Variants in CTNNA2 observed in about 807,000 individuals in gnomAD.
CTNNA2 encodes catenin alpha-2.
CTNNA2 carries 42 observed loss-of-function variants against 101.0 expected under a neutral mutation model. That is an observed-to-expected ratio of 0.42 (90% CI 0.32 to 0.54). The LOEUF is 0.54. Among genes scored for constraint, CTNNA2 ranks in the 20% least tolerant of loss-of-function variants. CTNNA2 has a pLI of 0.14. For missense variants in CTNNA2, 871 were observed against 1,223.1 expected (o/e 0.71, Z 4.29); for synonymous variants, 450 against 456.4 (o/e 0.99, Z 0.18).
At chr2:79,513,472 C>T (rs1671640423) in intron 1 of CTNNA2, among the ~76,000 whole-genome samples, 1 of 152,180 alleles carries the variant, frequency 6.6e-6, no homozygotes, top group Admixed American at 6.5e-5. Context: ...AGCTCTGCAT[C>T]CCTTTCCTCT....
chr2:80,161,680 A>C (rs1380175863), intron 7 of CTNNA2, among the ~76,000 whole-genome samples: 1 of 152,170 alleles, frequency 6.6e-6, no homozygotes. Flanking sequence ...TTTCCAAAAA[A>C]GTATGCTTTC....
intron 16 of CTNNA2, among the ~76,000 whole-genome samples, chr2:80,604,844 G>A (rs1697865178): frequency 6.6e-6 from 1 of 151,902 alleles, no homozygotes. Context: ...TGGAAACTGG[G>A]GGTAGGACAG....
At chr2:80,435,193 T>A (rs1404498907) in intron 9 of CTNNA2, among the ~76,000 whole-genome samples, 1 of 152,184 alleles carries the variant, frequency 6.6e-6, no homozygotes, top group Admixed American at 6.5e-5. Context: ...CACTTCTCTA[T>A]AATCTTTAAA....
At chr2:79,206,794 T>G (rs1674105719) in intron 2 of CTNNA2, among the ~76,000 whole-genome samples, 1 of 152,128 alleles carries the variant, frequency 6.6e-6, no homozygotes. Context: ...TAAAACCAAC[T>G]GGAGAATGAT....
intron 2 of CTNNA2, among the ~76,000 whole-genome samples, chr2:79,701,672 A>C (rs1685010551): frequency 1.3e-5 from 2 of 152,166 alleles, no homozygotes; most frequent in South Asian, 4.1e-4. Context: ...CAGGGAAGTT[A>C]ATGACTCCTG....
intron 2 of CTNNA2, among the ~76,000 whole-genome samples, chr2:79,259,196 C>G (rs1329814484): frequency 1.3e-5 from 2 of 152,020 alleles, no homozygotes; most frequent in African/African-American, 4.8e-5. Context: ...TGAATTGATC[C>G]CCATCTGGCT....
In CTNNA2 at chr2:79,909,768, C is replaced by T. The variant is rs1203739181; in HGVS notation, c.1027C>T (p.Gln343Ter). The change falls in exon 7 of 19, where the codon CAG (glutamine) becomes TAG (stop). Residue 343 changes from glutamine to a stop codon, truncating the protein, a stop_gained. Coordinates refer to ENST00000402739, the MANE Select transcript of CTNNA2 (RefSeq NM_001282597.3). LOFTEE classifies it high-confidence loss of function. ...AECNAVRQALQDLLSEYMNNT... is the reference protein window; with the variant it reads ...AECNAVRQAL ...GTGCAACGCCGTGCGGCAGGCGCTCCAGGACCTGCTCAGCGAGTACATGAA... is the reference window on the plus strand; with the variant it reads ...GTGCAACGCCGTGCGGCAGGCGCTCTAGGACCTGCTCAGCGAGTACATGAA... The T allele has an allele frequency of 1.2e-6, 2 of 1,611,840 alleles. No individual in the cohort carries two copies. The highest frequency in any genetic ancestry group is 2.7e-5 in the African/African-American group (2 of 74,836).
At chr2:80,591,455 C>CTTTTTTTTTTTTTTTTTTTTT (rs1553401282) in intron 15 of CTNNA2, among the ~76,000 whole-genome samples, 2 of 57,578 alleles carry the variant, frequency 3.5e-5, no homozygotes, top group African/African-American at 6.0e-5. Flanking sequence ...TCTGCACAGC[C>CTTTTTTTTTTTTTTTTTTTTT]TGTTTTTTTT....
intron 6 of CTNNA2, among the ~76,000 whole-genome samples, chr2:79,879,499 C>G (rs1574210026): frequency 6.6e-6 from 1 of 152,032 alleles, no homozygotes; most frequent in Non-Finnish European, 1.5e-5. Context: ...ATTCCTTGAG[C>G]AGTGGTTTGT....
chr2:80,023,187 G>A (rs1369399606), intron 7 of CTNNA2, among the ~76,000 whole-genome samples: 3 of 152,100 alleles, frequency 2.0e-5, no homozygotes, highest in Non-Finnish European at 4.4e-5. Context: ...ATCTAGTTTA[G>A]CATTTTTATC....
chr2:79,360,651 A>T (rs1007130446), intron 3 of CTNNA2, among the ~76,000 whole-genome samples: 4 of 152,226 alleles, frequency 2.6e-5, no homozygotes, highest in African/African-American at 9.6e-5. Flanking sequence ...AGAGCTGATT[A>T]AGGGTATGGA....
chr2:80,183,464 T>C (rs1705918562), intron 7 of CTNNA2, among the ~76,000 whole-genome samples: 1 of 152,206 alleles, frequency 6.6e-6, no homozygotes, highest in Non-Finnish European at 1.5e-5. Flanking sequence ...GTAAAAAGAA[T>C]ATTTTCCTAA....
At chr2:79,812,630 T>G (rs1290801003) in intron 3 of CTNNA2, among the ~76,000 whole-genome samples, 1 of 152,212 alleles carries the variant, frequency 6.6e-6, no homozygotes. Flanking sequence ...ATTCTTCACA[T>G]GCATCTTCGG....
chr2:79,840,320 A>G (rs77990045), intron 3 of CTNNA2, among the ~76,000 whole-genome samples: 1 of 152,240 alleles, frequency 6.6e-6, no homozygotes, highest in Admixed American at 6.5e-5. Flanking sequence ...GTGAAGGTCA[A>G]GACATTCTCC....
At chr2:79,957,734 C>G (rs975076979) in intron 7 of CTNNA2, among the ~76,000 whole-genome samples, 1 of 152,202 alleles carries the variant, frequency 6.6e-6, no homozygotes, top group Admixed American at 6.5e-5. Flanking sequence ...ATCCCAGTAA[C>G]TAGTCTTTCT....
At chr2:79,962,706 A>G (rs575439381) in intron 7 of CTNNA2, among the ~76,000 whole-genome samples, 2 of 152,266 alleles carry the variant, frequency 1.3e-5, no homozygotes, top group South Asian at 2.1e-4. Flanking sequence ...TTTGATAGAT[A>G]TGATTGGAGC....
intron 3 of CTNNA2, among the ~76,000 whole-genome samples, chr2:79,329,707 G>T (rs1464286483): frequency 1.3e-5 from 2 of 152,100 alleles, no homozygotes; most frequent in Non-Finnish European, 2.9e-5. Context: ...ATGTCTCTGT[G>T]TTCTGATGAG....
intron 1 of CTNNA2, among the ~76,000 whole-genome samples, chr2:79,537,740 A>G (rs981258881): frequency 1.3e-5 from 2 of 151,644 alleles, no homozygotes; most frequent in African/African-American, 4.8e-5. Context: ...CATGTCAGTT[A>G]TATTTGCATC....
At chr2:80,148,477 G>A (rs1703490576) in intron 7 of CTNNA2, among the ~76,000 whole-genome samples, 1 of 152,220 alleles carries the variant, frequency 6.6e-6, no homozygotes, top group Non-Finnish European at 1.5e-5. Context: ...GGCCTGCAGG[G>A]GCAAACTGAG....
Sources: allele counts gnomAD v4.1 joint callset (sites outside exome capture counted in the v4.1 genomes callset), GRCh38; gene constraint gnomAD v4.1.1; transcripts MANE v1.5; gene names NCBI Gene and HGNC (gene_info 2026-07-23, HGNC 2026-07-21).